The following PLCH1 variants were observed in gnomAD, a reference collection of about 807,000 sequenced individuals.
PLCH1 encodes phospholipase C eta 1, also known as 1-phosphatidylinositol 4,5-bisphosphate phosphodiesterase eta-1.
A neutral mutation model predicts 126.7 loss-of-function variants in PLCH1; 60 were observed. That is an observed-to-expected ratio of 0.47 (90% CI 0.38 to 0.59). The LOEUF is 0.59. Among genes scored for constraint, PLCH1 ranks in the 20% least tolerant of loss-of-function variants. PLCH1 has a pLI of 0.00. For synonymous variants in PLCH1, 719 were observed against 734.9 expected, an observed-to-expected ratio of 0.98 and a Z score of 0.35; for missense variants, 1,723 against 2,040.0, an observed-to-expected ratio of 0.84 and a Z score of 2.99.
intron 2 of PLCH1, among the ~76,000 whole-genome samples, chr3:155,661,261 G>C (rs1411363623): frequency 6.6e-6 from 1 of 152,194 alleles, no homozygotes; most frequent in Non-Finnish European, 1.5e-5. Context: ...AGCAGGGAGA[G>C]AGAGAGAGGT....
At chr3:155,712,629 C>T (rs1467199210) in intron 1 of PLCH1, among the ~76,000 whole-genome samples, 1 of 151,998 alleles carries the variant, frequency 6.6e-6, no homozygotes, top group East Asian at 1.9e-4. Context: ...AATCCCAGCT[C>T]CTCGGGAGGC....
At chr3:155,633,062 T>A (rs1043260235) in intron 2 of PLCH1, among the ~76,000 whole-genome samples, 1 of 152,128 alleles carries the variant, frequency 6.6e-6, no homozygotes, top group Non-Finnish European at 1.5e-5. Flanking sequence ...TTTCTCTTTT[T>A]ACCATGATAA....
chr3:155,487,908 T>C (rs1426987716), intron 21 of PLCH1, 120 bp downstream of exon 21: 8 of 657,422 alleles, frequency 1.2e-5, no homozygotes, highest in Admixed American at 2.4e-5. Context: ...CTGGGCCTCC[T>C]TAGAGTTTTT....
intron 6 of PLCH1, among the ~76,000 whole-genome samples, chr3:155,572,910 T>C (rs1196126332): frequency 6.6e-6 from 1 of 151,960 alleles, no homozygotes; most frequent in East Asian, 1.9e-4. Flanking sequence ...ATTTTTATTT[T>C]TATTCTTATT....
intron 22 of PLCH1, among the ~76,000 whole-genome samples, chr3:155,485,044 T>C (rs955569181): frequency 1.3e-5 from 2 of 152,180 alleles, no homozygotes; most frequent in African/African-American, 4.8e-5. Flanking sequence ...ATGGCACTCA[T>C]TTGGAAAATC....
At chr3:155,657,311 T>C (rs1287357794) in intron 2 of PLCH1, among the ~76,000 whole-genome samples, 1 of 152,116 alleles carries the variant, frequency 6.6e-6, no homozygotes, top group African/African-American at 2.4e-5. Context: ...TTTTCCAGAC[T>C]ATAAAACAGA....
At chr3:155,580,891 G>C (rs1326367111) in intron 6 of PLCH1, among the ~76,000 whole-genome samples, 1 of 152,040 alleles carries the variant, frequency 6.6e-6, no homozygotes, top group Non-Finnish European at 1.5e-5. Context: ...TCAAAAAAAG[G>C]TCTTTATTTT....
chr3:155,594,300 G>A, intron 3 of PLCH1, 116 bp from the exon 4 acceptor site: 1 of 979,674 alleles, frequency 1.0e-6, no homozygotes, highest in Middle Eastern at 3.3e-4. Flanking sequence ...TATGAGGCTG[G>A]GTGCTCACGC....
At chr3:155,528,473 A>G (rs936487119) in intron 10 of PLCH1, among the ~76,000 whole-genome samples, 12 of 152,228 alleles carry the variant, frequency 7.9e-5, no homozygotes, top group African/African-American at 2.7e-4. Flanking sequence ...CAAGCTATCA[A>G]GATATCAACT....
chr3:155,712,799 TAAGTAGA>T (rs1156811643), intron 1 of PLCH1, among the ~76,000 whole-genome samples: 1 of 151,668 alleles, frequency 6.6e-6, no homozygotes, highest in Non-Finnish European at 1.5e-5. Context: ...TTTTTTTTTC[TAAGTAGA>T]GGAATTTGTC....
chr3:155,691,156 G>T (rs1013965693), intron 2 of PLCH1, among the ~76,000 whole-genome samples: 32 of 152,192 alleles, frequency 2.1e-4, no homozygotes, highest in African/African-American at 7.0e-4. Flanking sequence ...CCCTGGATTT[G>T]AGAGTCTGAC....
chr3:155,578,757 G>A (rs1022380399), intron 6 of PLCH1, among the ~76,000 whole-genome samples: 1 of 152,016 alleles, frequency 6.6e-6, no homozygotes, highest in East Asian at 1.9e-4. Flanking sequence ...TTTAGTACAC[G>A]GTATCCTAAA....
chr3:155,576,042 G>A (rs1729901731), intron 6 of PLCH1, among the ~76,000 whole-genome samples: 1 of 152,102 alleles, frequency 6.6e-6, no homozygotes, highest in Admixed American at 6.6e-5. Context: ...AAAGAACATA[G>A]GGGCTTGCTA....
downstream of PLCH1, among the ~76,000 whole-genome samples, chr3:155,479,628 G>A (rs973795416): frequency 6.6e-6 from 1 of 151,950 alleles, no homozygotes; most frequent in Non-Finnish European, 1.5e-5. Flanking sequence ...AGTTCAGAAG[G>A]CTTATTTTTA....
intron 2 of PLCH1, among the ~76,000 whole-genome samples, chr3:155,629,968 C>A (rs1476963149): frequency 6.6e-6 from 1 of 152,196 alleles, no homozygotes; most frequent in Non-Finnish European, 1.5e-5. Flanking sequence ...CAAGTCCTGT[C>A]CACCCAATCT....
At chr3:155,528,250 G>T (rs1471660414) in intron 10 of PLCH1, among the ~76,000 whole-genome samples, 3 of 138,258 alleles carry the variant, frequency 2.2e-5, no homozygotes, top group Admixed American at 7.2e-5. Flanking sequence ...AAAAAAAAAA[G>T]TTGGGATCTA....
At chr3:155,735,000 C>T (rs542890504) in intron 1 of PLCH1, among the ~76,000 whole-genome samples, 141 of 152,200 alleles carry the variant, frequency 9.3e-4, no homozygotes, top group African/African-American at 3.2e-3. Flanking sequence ...TGAGCCACCG[C>T]GCCCAGCCTA....
Position 155,549,828 on chromosome 3 carries a change from G to A in PLCH1, c.1321C>T (p.Leu441Phe). 1 of 1,613,696 alleles carries A rather than the reference G, an allele frequency of 6.2e-7. No homozygotes were observed. Among genetic ancestry groups the A allele is most frequent in the African/African-American group, 1.3e-5 (1 of 75,030 alleles). Residue 441 changes from leucine to phenylalanine, a missense_variant, in exon 10 of 23, where the codon CTT becomes TTT. By Grantham distance (22) the Leu-to-Phe change is conservative. This residue lies in a region of PLCH1 where 776 missense variants were observed against 1,062.9 expected (regional missense o/e 0.73). Transcript: ENST00000460012. ...SSVDTGECKQ[L>F]PSPQSLKGKI... is the part of the protein sequence containing the mutation. ...CCTTTCAAACTTTGAGGGCTTGGAAGCTGCTTGCACTCCCCTGTATCAACA... is the reference window on the plus strand; with the variant it reads ...CCTTTCAAACTTTGAGGGCTTGGAAACTGCTTGCACTCCCCTGTATCAACA...
chr3:155,658,316 C>A, intron 2 of PLCH1: 1 of 192,880 alleles, frequency 5.2e-6, no homozygotes, highest in South Asian at 1.1e-4. Flanking sequence ...AGTTCTCAAT[C>A]AAGTTCCTCT....
Sources: allele counts gnomAD v4.1 joint callset (sites outside exome capture counted in the v4.1 genomes callset), GRCh38; gene constraint gnomAD v4.1.1; regional missense constraint gnomAD v4.1.1; transcripts MANE v1.5; gene names NCBI Gene and HGNC (gene_info 2026-07-23, HGNC 2026-07-21).